Variants in PTPRD observed in about 807,000 individuals in gnomAD.
PTPRD encodes protein tyrosine phosphatase receptor type D, also known as receptor-type tyrosine-protein phosphatase delta.
PTPRD carries 34 observed loss-of-function variants against 214.5 expected under a neutral mutation model. The observed-to-expected ratio is 0.16, with a 90% CI of 0.12 to 0.21. The LOEUF is 0.21. PTPRD is among the 10% of genes least tolerant of loss of function. PTPRD has a pLI of 1.00. For synonymous variants in PTPRD, 1,128 were observed against 845.7 expected, an observed-to-expected ratio of 1.33 and a Z score of -5.79; for missense variants, 2,545 against 2,398.7, an observed-to-expected ratio of 1.06 and a Z score of -1.27.
At chr9:8,962,141 C>G (rs1279448610) in intron 11 of PTPRD, 1 of 152,084 alleles carries the variant, frequency 6.6e-6, no homozygotes, top group Non-Finnish European at 1.5e-5. Flanking sequence ...TATGTGCTAA[C>G]CATCCTGTTG....
At chr9:10,403,944 C>T (rs984181172) in intron 2 of PTPRD, among the ~76,000 whole-genome samples, 3 of 151,548 alleles carry the variant, frequency 2.0e-5, no homozygotes, top group Non-Finnish European at 4.4e-5. Context: ...CAACATTAGT[C>T]CAAATCCACA....
At chr9:9,284,057 T>A (rs942739339) in intron 9 of PTPRD, among the ~76,000 whole-genome samples, 4 of 151,666 alleles carry the variant, frequency 2.6e-5, no homozygotes, top group Non-Finnish European at 5.9e-5. Context: ...CAATACAATA[T>A]CTCTAACACT....
chr9:9,270,276 A>C (rs987484620), intron 9 of PTPRD, among the ~76,000 whole-genome samples: 1 of 151,464 alleles, frequency 6.6e-6, no homozygotes, highest in Non-Finnish European at 1.5e-5. Context: ...ATTTGTGATA[A>C]TTGCTGTGAC....
chr9:10,523,614 T>G lies in PTPRD; in HGVS notation c.-600+88784A>C, dbSNP rs1386996046. Among the ~76,000 whole-genome samples the G allele has an allele frequency of 3.8e-3, 370 of 97,014 alleles. 10 individuals carry two copies. The highest frequency in any genetic ancestry group is 0.011 in the African/African-American group (353 of 31,214). 63.6% of individuals were successfully genotyped at this position (97,014 alleles called of 152,430 possible). A position where few individuals can be genotyped will look rare whatever the true frequency, so the allele number is the denominator to read the frequency against. On this transcript the variant is annotated intron_variant, in intron 2 of 45. Transcript: ENST00000381196. ...GTATATTTATCTGTATATATATATA[T>G]ATATATATAGACAGAAAGAAAGGGA... is the stretch of plus-strand genomic sequence containing the variant.
chr9:8,371,601 G>C (rs966553652), intron 39 of PTPRD, among the ~76,000 whole-genome samples: 3 of 152,034 alleles, frequency 2.0e-5, no homozygotes, highest in Non-Finnish European at 4.4e-5. Flanking sequence ...TCATAAATGT[G>C]TGTAAAACAA....
intron 5 of PTPRD, among the ~76,000 whole-genome samples, chr9:9,921,849 A>G (rs1447838109): frequency 1.3e-5 from 2 of 152,120 alleles, no homozygotes; most frequent in Admixed American, 1.3e-4. Flanking sequence ...TTTAGCAACC[A>G]TAACATTCCT....
intron 33 of PTPRD, among the ~76,000 whole-genome samples, chr9:8,459,764 G>A (rs1031255091): frequency 6.6e-6 from 1 of 152,050 alleles, no homozygotes; most frequent in Non-Finnish European, 1.5e-5. Flanking sequence ...ATAAGACTGA[G>A]ATTATATTTT....
At chr9:9,285,285 T>C (rs1009326328) in intron 9 of PTPRD, among the ~76,000 whole-genome samples, 4 of 151,838 alleles carry the variant, frequency 2.6e-5, no homozygotes, top group Non-Finnish European at 5.9e-5. Context: ...AGTTAAATAT[T>C]ACCATACCTG....
chr9:9,933,254 C>G (rs1259700238), intron 5 of PTPRD, among the ~76,000 whole-genome samples: 9 of 152,322 alleles, frequency 5.9e-5, no homozygotes, highest in Admixed American at 2.0e-4. Context: ...AAATGGAGTA[C>G]ATGCTCCAAT....
intron 11 of PTPRD, among the ~76,000 whole-genome samples, chr9:8,892,590 T>A (rs2098549595): frequency 6.7e-6 from 1 of 149,858 alleles, no homozygotes; most frequent in African/African-American, 2.5e-5. Context: ...TGTGTATATA[T>A]ATGTGTATAT....
chr9:10,158,415 C>G (rs574404859), intron 3 of PTPRD, among the ~76,000 whole-genome samples: 1 of 152,166 alleles, frequency 6.6e-6, no homozygotes, highest in South Asian at 2.1e-4. Flanking sequence ...TGATAACCCC[C>G]ATTTTGTAAT....
intron 12 of PTPRD, among the ~76,000 whole-genome samples, chr9:8,655,962 T>C (rs1156999446): frequency 6.6e-6 from 1 of 152,206 alleles, no homozygotes. Flanking sequence ...GAAGAGAAAG[T>C]CCTGTTCAAA....
intron 11 of PTPRD, among the ~76,000 whole-genome samples, chr9:8,758,055 T>C (rs1216416241): frequency 6.6e-6 from 1 of 152,180 alleles, no homozygotes; most frequent in Non-Finnish European, 1.5e-5. Context: ...TCAACTTCCA[T>C]CTGTGTGAAA....
chr9:10,551,499 G>A (rs1412102543), intron 2 of PTPRD, among the ~76,000 whole-genome samples: 1 of 152,098 alleles, frequency 6.6e-6, no homozygotes, highest in Non-Finnish European at 1.5e-5. Context: ...AGGTGATTAT[G>A]AAGGTCCTGA....
chr9:8,909,356 T>G (rs2098730969), intron 11 of PTPRD, among the ~76,000 whole-genome samples: 1 of 152,126 alleles, frequency 6.6e-6, no homozygotes, highest in East Asian at 1.9e-4. Flanking sequence ...CACAACAATT[T>G]TTCACAAAAT....
chr9:8,358,081 A>G (rs892766269), intron 39 of PTPRD, among the ~76,000 whole-genome samples: 2 of 152,134 alleles, frequency 1.3e-5, no homozygotes, highest in Admixed American at 1.3e-4. Context: ...TTGGATTGTG[A>G]CACTTCTACT....
At chr9:10,463,518 A>C (rs2098973003) in intron 2 of PTPRD, among the ~76,000 whole-genome samples, 1 of 152,196 alleles carries the variant, frequency 6.6e-6, no homozygotes, top group East Asian at 1.9e-4. Context: ...GAAAGAATTA[A>C]AGAAAACTTT....
chr9:8,636,668 C>T (rs750572569), intron 13 of PTPRD, 31 bp downstream of exon 13: 1 of 1,609,146 alleles, frequency 6.2e-7, no homozygotes, highest in East Asian at 2.2e-5. Flanking sequence ...TACATTCTTC[C>T]CCCAGAGAAA....
intron 2 of PTPRD, among the ~76,000 whole-genome samples, chr9:10,425,344 C>T (rs2098603154): frequency 6.6e-6 from 1 of 151,870 alleles, no homozygotes; most frequent in Non-Finnish European, 1.5e-5. Flanking sequence ...CCAATATTTC[C>T]CTCTTCTATT....
Sources: gnomAD v4.1 joint callset for allele counts (sites outside exome capture counted in the v4.1 genomes callset) on GRCh38, gnomAD v4.1.1 for gene constraint, MANE v1.5 for transcripts, NCBI Gene and HGNC (gene_info 2026-07-23, HGNC 2026-07-21) for gene names.